The following RANBP2 variants were observed in gnomAD, a reference collection of about 807,000 sequenced individuals.
RANBP2 encodes RAN binding protein 2.
A neutral mutation model predicts 303.6 loss-of-function variants in RANBP2; 57 were observed. The ratio of observed to expected loss-of-function variants is 0.19; its 90% CI spans 0.15 to 0.23. The LOEUF (loss-of-function observed/expected upper bound fraction) is 0.23. RANBP2 is among the 10% of genes least tolerant of loss of function. The pLI, the probability that RANBP2 is intolerant of heterozygous loss-of-function variation, is 1.00. For synonymous variants in RANBP2, 1,167 were observed against 1,301.5 expected, an observed-to-expected ratio of 0.90 and a Z score of 2.23; for missense variants, 3,138 against 3,780.8, an observed-to-expected ratio of 0.83 and a Z score of 4.46.
chr2:109,012,693 T>C, the RANBP2 span, among the ~76,000 whole-genome samples: 1 of 152,098 alleles, frequency 6.6e-6, no homozygotes, highest in Admixed American at 6.6e-5. Flanking sequence ...GGCGGGTGGA[T>C]CACGAGGTCA....
the RANBP2 span, among the ~76,000 whole-genome samples, chr2:109,433,337 T>G: frequency 1.3e-5 from 2 of 152,230 alleles, no homozygotes; most frequent in Non-Finnish European, 2.9e-5. Context: ...TTTTTCTTTG[T>G]GTTGTCAGTG....
the RANBP2 span, among the ~76,000 whole-genome samples, chr2:108,949,297 TAATA>T: frequency 1.3e-5 from 2 of 152,340 alleles, no homozygotes; most frequent in South Asian, 4.1e-4. Context: ...AGGCTATTTT[TAATA>T]AAAGCAATAA....
chr2:109,604,400 G>A, the RANBP2 span, among the ~76,000 whole-genome samples: 4 of 137,548 alleles, frequency 2.9e-5, no homozygotes, highest in Admixed American at 1.5e-4. Flanking sequence ...GGGGCGGGGC[G>A]GGGAGAAAAG....
chr2:109,078,118 A>ATAT, the RANBP2 span, among the ~76,000 whole-genome samples: 3 of 45,560 alleles, frequency 6.6e-5, no homozygotes, highest in Non-Finnish European at 8.6e-5. Flanking sequence ...ATATATATAT[A>ATAT]GCGTGTATAT....
At chr2:109,301,450 G>T in the RANBP2 span, among the ~76,000 whole-genome samples, 1 of 152,096 alleles carries the variant, frequency 6.6e-6, no homozygotes, top group Non-Finnish European at 1.5e-5. Flanking sequence ...GGGGATTGCT[G>T]GCCCCTTCGC....
chr2:109,179,042 T>G, the RANBP2 span, among the ~76,000 whole-genome samples: 2 of 151,904 alleles, frequency 1.3e-5, no homozygotes, highest in Non-Finnish European at 2.9e-5. Context: ...TGTGTATTTT[T>G]AAACCAGAAT....
the RANBP2 span, among the ~76,000 whole-genome samples, chr2:109,592,819 A>T: frequency 3.9e-5 from 6 of 152,062 alleles, no homozygotes; most frequent in Non-Finnish European, 7.4e-5. Flanking sequence ...AGAAAAAAAA[A>T]TTTCCTTAAT....
the RANBP2 span, among the ~76,000 whole-genome samples, chr2:108,819,331 C>G: frequency 2.0e-5 from 3 of 152,316 alleles, no homozygotes; most frequent in Admixed American, 1.3e-4. Flanking sequence ...TCCCTACCGT[C>G]TCCCTTGGGA....
At chr2:109,690,726 G>C in the RANBP2 span, among the ~76,000 whole-genome samples, 1 of 151,778 alleles carries the variant, frequency 6.6e-6, no homozygotes, top group Non-Finnish European at 1.5e-5. Flanking sequence ...GTAAGCTCCT[G>C]AGAAACACCT....
the RANBP2 span, among the ~76,000 whole-genome samples, chr2:108,981,467 G>A: frequency 6.6e-6 from 1 of 152,130 alleles, no homozygotes; most frequent in Non-Finnish European, 1.5e-5. Flanking sequence ...TGGCCTTGGG[G>A]ATACAAAGAG....
chr2:109,676,324 T>C, the RANBP2 span, among the ~76,000 whole-genome samples: 1 of 152,210 alleles, frequency 6.6e-6, no homozygotes, highest in Non-Finnish European at 1.5e-5. Context: ...GCCTCCACTG[T>C]CACAACGGAA....
chr2:108,811,247 C>CTCTCTTTTTTTTT, the RANBP2 span, among the ~76,000 whole-genome samples: 1 of 113,940 alleles, frequency 8.8e-6, no homozygotes, highest in African/African-American at 3.8e-5. Flanking sequence ...TTCTCTCTCT[C>CTCTCTTTTTTTTT]TTTTTTTTTT....
At chr2:109,007,835 C>T in the RANBP2 span, among the ~76,000 whole-genome samples, 2 of 151,494 alleles carry the variant, frequency 1.3e-5, no homozygotes, top group Admixed American at 6.6e-5. Context: ...AAAAACAAAA[C>T]AAAACAAAAA....
the RANBP2 span, among the ~76,000 whole-genome samples, chr2:109,763,286 A>G: frequency 3.3e-5 from 5 of 150,708 alleles, no homozygotes; most frequent in African/African-American, 1.2e-4. Flanking sequence ...GTTTTAGCTC[A>G]TTTAATTATA....
intron 6 of RANBP2, among the ~76,000 whole-genome samples, chr2:108,737,569 T>G (rs1695701783): frequency 7.2e-6 from 1 of 138,422 alleles, no homozygotes; most frequent in Non-Finnish European, 1.6e-5. Flanking sequence ...TTTTTTTTTT[T>G]GAGACTGAGT....
chr2:108,795,150 A>ATTTTTTTTTTTTT, the RANBP2 span, among the ~76,000 whole-genome samples: 2 of 85,040 alleles, frequency 2.4e-5, no homozygotes, highest in Admixed American at 3.6e-4. Context: ...TCTAAAGTGT[A>ATTTTTTTTTTTTT]TTTTTTTTTT....
the RANBP2 span, among the ~76,000 whole-genome samples, chr2:109,245,368 A>G: frequency 2.0e-5 from 3 of 151,814 alleles, no homozygotes; most frequent in Non-Finnish European, 4.4e-5. Context: ...CTGTAACTGG[A>G]ATTCCCTCTT....
the RANBP2 span, among the ~76,000 whole-genome samples, chr2:109,109,694 G>A: frequency 1.3e-5 from 2 of 152,162 alleles, no homozygotes; most frequent in South Asian, 2.1e-4. Flanking sequence ...CTTCATAAAT[G>A]TGGATGCAAA....
At chr2:109,068,306 C>A in the RANBP2 span, among the ~76,000 whole-genome samples, 4 of 152,176 alleles carry the variant, frequency 2.6e-5, no homozygotes, top group Admixed American at 2.6e-4. Context: ...TTCTAGGCAC[C>A]CAGTGGGCAC....
Sources: gnomAD v4.1 joint callset for allele counts (sites outside exome capture counted in the v4.1 genomes callset) on GRCh38, gnomAD v4.1.1 for gene constraint, MANE v1.5 for transcripts, NCBI Gene and HGNC (gene_info 2026-07-23, HGNC 2026-07-21) for gene names.